Variants in RSPO2 observed in about 807,000 individuals in gnomAD.
The protein encoded by RSPO2 is R-spondin-2.
Under a neutral mutation model 30.9 loss-of-function variants are expected in RSPO2, and 14 were observed. The observed-to-expected ratio is 0.45, with a 90% CI of 0.30 to 0.71. The LOEUF (loss-of-function observed/expected upper bound fraction) is 0.71, where lower values mean the gene tolerates loss of function less well. Among genes scored for constraint, RSPO2 ranks in the 30% least tolerant of loss-of-function variants. The probability of loss-of-function intolerance (pLI) is 0.08; values close to 1 mark genes in which losing one functional copy is unlikely to be tolerated. For synonymous variants in RSPO2, 107 were observed against 96.4 expected, an observed-to-expected ratio of 1.11 and a Z score of -0.64; for missense variants, 264 against 301.9, an observed-to-expected ratio of 0.87 and a Z score of 0.93.
intron 5 of RSPO2, among the ~76,000 whole-genome samples, chr8:107,919,982 T>C (rs949492119): frequency 7.2e-5 from 11 of 152,142 alleles, no homozygotes; most frequent in Admixed American, 5.9e-4. Context: ...GCGTCCAGTA[T>C]TTTATGCCAC....
intron 2 of RSPO2, among the ~76,000 whole-genome samples, chr8:108,066,525 C>T (rs1381883531): frequency 6.6e-6 from 1 of 152,048 alleles, no homozygotes; most frequent in Non-Finnish European, 1.5e-5. Context: ...CTCCATCTGA[C>T]AAGGAATGGC....
chr8:107,925,554 C>G (rs923260257), intron 5 of RSPO2, among the ~76,000 whole-genome samples: 1 of 151,974 alleles, frequency 6.6e-6, no homozygotes, highest in Non-Finnish European at 1.5e-5. Context: ...TCCCTCCCCC[C>G]TCCTCCCACC....
chr8:107,956,010 G>A (rs1259423625), intron 5 of RSPO2, among the ~76,000 whole-genome samples: 1 of 152,112 alleles, frequency 6.6e-6, no homozygotes, highest in Admixed American at 6.5e-5. Flanking sequence ...TCCACTAGTC[G>A]CCATGACCTA....
intron 2 of RSPO2, among the ~76,000 whole-genome samples, chr8:108,041,652 T>C (rs1205431652): frequency 6.6e-6 from 1 of 152,160 alleles, no homozygotes; most frequent in Non-Finnish European, 1.5e-5. Flanking sequence ...ATTAGTAAAT[T>C]AAGTGACAGG....
intron 3 of RSPO2, among the ~76,000 whole-genome samples, chr8:107,966,732 C>A (rs1289581833): frequency 6.6e-6 from 1 of 152,178 alleles, no homozygotes; most frequent in Non-Finnish European, 1.5e-5. Flanking sequence ...TGACAAGAAT[C>A]ATCTCTTAAT....
intron 2 of RSPO2, among the ~76,000 whole-genome samples, chr8:108,070,460 T>C (rs1326622225): frequency 6.6e-6 from 1 of 151,604 alleles, no homozygotes; most frequent in Non-Finnish European, 1.5e-5. Flanking sequence ...GCCCGGCTAA[T>C]TTTTTGTATT....
chr8:108,048,782 T>C (rs2130673972), intron 2 of RSPO2, among the ~76,000 whole-genome samples: 1 of 152,330 alleles, frequency 6.6e-6, no homozygotes. Flanking sequence ...TTTAGATCTT[T>C]CCTGCTTTCT....
chr8:108,074,477 A>C (rs1812951501), intron 2 of RSPO2, among the ~76,000 whole-genome samples: 2 of 152,208 alleles, frequency 1.3e-5, no homozygotes, highest in African/African-American at 4.8e-5. Flanking sequence ...TCTATAATTC[A>C]TATTCAAAAA....
At chr8:108,070,338 T>C (rs1812803921) in intron 2 of RSPO2, among the ~76,000 whole-genome samples, 2 of 139,036 alleles carry the variant, frequency 1.4e-5, no homozygotes, top group African/African-American at 5.4e-5. Context: ...CAGGCCGGAC[T>C]GCGGACTGCA....
intron 2 of RSPO2, among the ~76,000 whole-genome samples, chr8:108,061,639 T>C (rs905953704): frequency 3.3e-5 from 5 of 151,700 alleles, no homozygotes; most frequent in African/African-American, 9.7e-5. Context: ...GACAGAAAGT[T>C]AACAAGGATA....
At chr8:107,949,896 C>G (rs956930169) in intron 5 of RSPO2, among the ~76,000 whole-genome samples, 1 of 152,176 alleles carries the variant, frequency 6.6e-6, no homozygotes, top group Non-Finnish European at 1.5e-5. Flanking sequence ...ATCAGTATTA[C>G]TCATGCCACT....
intron 2 of RSPO2, among the ~76,000 whole-genome samples, chr8:108,015,071 C>T (rs866320990): frequency 2.0e-5 from 3 of 152,034 alleles, no homozygotes; most frequent in Admixed American, 6.6e-5. Flanking sequence ...TAGAAAAGTA[C>T]CCCATATTAT....
intron 3 of RSPO2, among the ~76,000 whole-genome samples, chr8:107,978,330 G>A (rs574176111): frequency 6.6e-6 from 1 of 152,118 alleles, no homozygotes; most frequent in Non-Finnish European, 1.5e-5. Flanking sequence ...GGGAGGCCGA[G>A]GCAGGAGAAT....
intron 2 of RSPO2, among the ~76,000 whole-genome samples, chr8:108,047,721 C>A (rs1811947307): frequency 6.6e-6 from 1 of 151,948 alleles, no homozygotes. Context: ...CATGGTGGCA[C>A]ATACCTGTAG....
At position 108,082,618 on chromosome 8, in the gene RSPO2, G is replaced by A; in HGVS notation, c.21C>T (p.Ser7=). Reference sequence around the variant, plus strand: ...TGCAGTTCAGAATGATGAGGGCAAAGGAGAAAAGGCGAAACTGCATCTGGG... The same window carrying A: ...TGCAGTTCAGAATGATGAGGGCAAAAGAGAAAAGGCGAAACTGCATCTGGG... MQFRLF[S]FALIILNCMD... Residue 7 remains serine (S), a synonymous_variant, in exon 2 of 6, where the codon TCC becomes TCT. Transcript: ENST00000276659. 2.5e-6 allele frequency: 4 copies of A among 1,614,130 alleles called. No homozygotes were observed. The highest frequency in any genetic ancestry group is 2.2e-5 in the South Asian group (2 of 91,088).
Position 108,063,530 on chromosome 8 carries a change from G to C in RSPO2, c.94+19015C>G, listed in dbSNP as rs528290830. On this transcript the variant is annotated intron_variant, in intron 2 of 5. Coordinates refer to ENST00000276659, the MANE Select transcript of RSPO2 (RefSeq NM_178565.5). ...CAAACCACTGCTCAATGAAATAAAA[G>C]AGGACACAAACAAATGGAAGAATAT... Among the ~76,000 whole-genome samples the C allele has an allele frequency of 1.3e-5, 2 of 151,828 alleles. 1 individual carries two copies. Among genetic ancestry groups the C allele is most frequent in the African/African-American group, 4.9e-5 (2 of 41,124 alleles).
At chr8:107,905,378 C>T (rs1008297334) in intron 5 of RSPO2, among the ~76,000 whole-genome samples, 8 of 151,950 alleles carry the variant, frequency 5.3e-5, no homozygotes, top group South Asian at 2.1e-4. Flanking sequence ...TATATGTATA[C>T]GTAATACATG....
chr8:107,988,018 A>C (rs1029616017), intron 3 of RSPO2, among the ~76,000 whole-genome samples: 1 of 152,006 alleles, frequency 6.6e-6, no homozygotes, highest in African/African-American at 2.4e-5. Context: ...CCTTTTTCTT[A>C]TCCTTTCTAT....
chr8:108,043,271 A>G (rs941722012), intron 2 of RSPO2, among the ~76,000 whole-genome samples: 2 of 152,140 alleles, frequency 1.3e-5, no homozygotes, highest in Admixed American at 1.3e-4. Context: ...TTTACATAGA[A>G]TGTTAATGTT....
Sources: gnomAD v4.1 joint callset for allele counts (sites outside exome capture counted in the v4.1 genomes callset) on GRCh38, gnomAD v4.1.1 for gene constraint, MANE v1.5 for transcripts, NCBI Gene and HGNC (gene_info 2026-07-23, HGNC 2026-07-21) for gene names.